CTNND2: variants seen among roughly 807,000 people sequenced by gnomAD.
The protein encoded by CTNND2 is catenin delta 2, also known as catenin delta-2.
Under a neutral mutation model 144.4 loss-of-function variants are expected in CTNND2, and 22 were observed. The ratio of observed to expected loss-of-function variants is 0.15; its 90% CI spans 0.11 to 0.22. The LOEUF is 0.22. Ranked by LOEUF, CTNND2 falls within the 10% of genes least tolerant of loss-of-function variation. The pLI is 1.00. For synonymous variants in CTNND2, 751 were observed against 695.6 expected, an observed-to-expected ratio of 1.08 and a Z score of -1.25; for missense variants, 1,353 against 1,618.8, an observed-to-expected ratio of 0.84 and a Z score of 2.82.
At chr5:11,683,495 C>G (rs894533154) in intron 2 of CTNND2, among the ~76,000 whole-genome samples, 1 of 152,178 alleles carries the variant, frequency 6.6e-6, no homozygotes, top group African/African-American at 2.4e-5. Flanking sequence ...TTCCGAAATA[C>G]AAATTAATCA....
intron 12 of CTNND2, among the ~76,000 whole-genome samples, chr5:11,132,049 CA>C (rs575319201): frequency 2.0e-4 from 31 of 152,196 alleles, no homozygotes; most frequent in Non-Finnish European, 4.0e-4. Flanking sequence ...TAACCATCAT[CA>C]AAAAACTGAA....
intron 1 of CTNND2, among the ~76,000 whole-genome samples, chr5:11,802,631 A>C (rs915010482): frequency 6.6e-6 from 1 of 152,090 alleles, no homozygotes; most frequent in African/African-American, 2.4e-5. Context: ...ATGACTTGTT[A>C]CCTTGTTACA....
At chr5:11,644,190 A>T (rs1436725236) in intron 2 of CTNND2, among the ~76,000 whole-genome samples, 1 of 152,220 alleles carries the variant, frequency 6.6e-6, no homozygotes, top group Non-Finnish European at 1.5e-5. Flanking sequence ...AAAGTGAAAA[A>T]AAACCTAGAT....
intron 2 of CTNND2, among the ~76,000 whole-genome samples, chr5:11,684,354 G>A (rs1384427120): frequency 1.3e-5 from 2 of 151,904 alleles, no homozygotes; most frequent in African/African-American, 4.8e-5. Flanking sequence ...CACCCGCCTC[G>A]GCCTCCCAAA....
intron 7 of CTNND2, among the ~76,000 whole-genome samples, chr5:11,367,528 T>G (rs1456591931): frequency 6.6e-6 from 1 of 152,224 alleles, no homozygotes; most frequent in Non-Finnish European, 1.5e-5. Flanking sequence ...AGTAGTAATT[T>G]TTTTCATCAT....
intron 9 of CTNND2, among the ~76,000 whole-genome samples, chr5:11,250,579 G>A (rs916786258): frequency 1.1e-4 from 17 of 148,038 alleles, no homozygotes; most frequent in Non-Finnish European, 1.6e-4. Context: ...GTGTGGTGGT[G>A]GATCGTAGCT....
At chr5:11,762,528 A>G (rs1265285603) in intron 1 of CTNND2, among the ~76,000 whole-genome samples, 1 of 152,246 alleles carries the variant, frequency 6.6e-6, no homozygotes, top group Non-Finnish European at 1.5e-5. Flanking sequence ...TATTTTGAAA[A>G]GTAAATTAAA....
At chr5:11,404,602 CTTTTTTTTTTTT>C (rs555388304) in intron 5 of CTNND2, among the ~76,000 whole-genome samples, 22 of 57,368 alleles carry the variant, frequency 3.8e-4, no homozygotes, top group Non-Finnish European at 7.5e-4. Flanking sequence ...TATCTGTATT[CTTTTTTTTTTTT>C]TTTTTTTTTT....
In CTNND2 at chr5:11,732,221, G is replaced by A. The variant is rs2126742338; in HGVS notation, c.89C>T (p.Ser30Phe). 1 of 1,613,972 alleles carries A rather than the reference G, an allele frequency of 6.2e-7. No homozygotes were observed. Among genetic ancestry groups the A allele is most frequent in the Non-Finnish European group, 8.5e-7 (1 of 1,179,916 alleles). The change falls in exon 2 of 22, where the codon TCC becomes TTC. Residue 30 changes from serine (S) to phenylalanine (F), a missense_variant. Around this residue, in one of 4 missense-constraint regions of CTNND2, gnomAD observed 708 missense variants for 706.4 expected, o/e 1.00. Coordinates refer to ENST00000304623, the MANE Select transcript of CTNND2 (RefSeq NM_001332.4). The stretch of plus-strand genomic sequence containing the variant: ...GGAGGTGTTTAAGCCGGGGCTCAGG[G>A]AACTCGTCTTCTCTGAGGCTGATGA... ...QPSSASEKTS[S>F]LSPGLNTSNG...
chr5:11,511,104 C>T (rs1449301746), intron 3 of CTNND2, among the ~76,000 whole-genome samples: 1 of 152,196 alleles, frequency 6.6e-6, no homozygotes, highest in Non-Finnish European at 1.5e-5. Flanking sequence ...AGTAAAAGCC[C>T]TGTGGCATTT....
intron 14 of CTNND2, among the ~76,000 whole-genome samples, chr5:11,102,970 A>ATTTTTTTTTTTTTTTTTTTTTTTTTTTTT (rs778134907): frequency 1.2e-5 from 1 of 84,080 alleles, no homozygotes; most frequent in Non-Finnish European, 2.2e-5. Context: ...TATTTAAAAG[A>ATTTTTTTTTTTTTTTTTTTTTTTTTTTTT]TTTTTTTTTT....
At chr5:11,319,740 C>T (rs370369504) in intron 9 of CTNND2, among the ~76,000 whole-genome samples, 11 of 152,278 alleles carry the variant, frequency 7.2e-5, no homozygotes, top group South Asian at 6.2e-4. Context: ...ACGCTGGTCT[C>T]GAACTCCTGA....
intron 10 of CTNND2, among the ~76,000 whole-genome samples, chr5:11,207,083 G>T (rs986596566): frequency 3.9e-5 from 6 of 152,132 alleles, no homozygotes; most frequent in Non-Finnish European, 8.8e-5. Flanking sequence ...CGTGTCCTTT[G>T]CAGGGACATG....
At chr5:11,855,205 AG>A (rs1359175677) in intron 1 of CTNND2, among the ~76,000 whole-genome samples, 3 of 152,216 alleles carry the variant, frequency 2.0e-5, no homozygotes, top group Non-Finnish European at 4.4e-5. Flanking sequence ...AGGTTGAAAC[AG>A]GGACAGCAGC....
At chr5:11,683,552 T>C (rs528921137) in intron 2 of CTNND2, among the ~76,000 whole-genome samples, 13 of 152,380 alleles carry the variant, frequency 8.5e-5, no homozygotes, top group African/African-American at 3.1e-4. Context: ...CCTGTAACTG[T>C]TGAAGACCGT....
chr5:11,043,019 G>A (rs1306531790), intron 16 of CTNND2, among the ~76,000 whole-genome samples: 1 of 151,638 alleles, frequency 6.6e-6, no homozygotes, highest in Non-Finnish European at 1.5e-5. Context: ...CCAATCACTT[G>A]TCTTCACTTC....
At chr5:11,437,542 T>C (rs182863807) in intron 3 of CTNND2, among the ~76,000 whole-genome samples, 2 of 152,324 alleles carry the variant, frequency 1.3e-5, no homozygotes, top group Non-Finnish European at 2.9e-5. Flanking sequence ...AGAACTAAAC[T>C]GTGAAGACTG....
intron 1 of CTNND2, among the ~76,000 whole-genome samples, chr5:11,872,566 G>A (rs552032511): frequency 7.9e-5 from 12 of 152,242 alleles, no homozygotes; most frequent in African/African-American, 2.9e-4. Context: ...ACTTTTTAAT[G>A]ATTGCCATTT....
chr5:10,980,652 T>A (rs1307574183), intron 21 of CTNND2, among the ~76,000 whole-genome samples: 1 of 152,176 alleles, frequency 6.6e-6, no homozygotes, highest in Non-Finnish European at 1.5e-5. Context: ...CCAACCCAAA[T>A]GTCCATCAAT....
Sources: gnomAD v4.1 joint callset for allele counts (sites outside exome capture counted in the v4.1 genomes callset) on GRCh38, gnomAD v4.1.1 for gene constraint, gnomAD v4.1.1 regional missense constraint, MANE v1.5 for transcripts, NCBI Gene and HGNC (gene_info 2026-07-23, HGNC 2026-07-21) for gene names.